ZNF282: variants seen among roughly 807,000 people sequenced by gnomAD.
ZNF282 encodes the protein HTLV-I U5 repressive element-binding protein 1.
A neutral mutation model predicts 61.9 loss-of-function variants in ZNF282; 30 were observed. The ratio of observed to expected loss-of-function variants is 0.48; its 90% CI spans 0.36 to 0.66. The LOEUF (loss-of-function observed/expected upper bound fraction) is 0.66. Among genes scored for constraint, ZNF282 ranks in the 30% least tolerant of loss-of-function variants. The pLI is 0.00. For synonymous variants in ZNF282, 396 were observed against 405.0 expected, an observed-to-expected ratio of 0.98 and a Z score of 0.27; for missense variants, 788 against 941.4, an observed-to-expected ratio of 0.84 and a Z score of 2.13.
intron 7 of ZNF282, among the ~76,000 whole-genome samples, chr7:149,221,679 T>C (rs543395717): frequency 3.5e-4 from 53 of 152,170 alleles, no homozygotes; most frequent in African/African-American, 1.3e-3. Flanking sequence ...GTGAAGAGAA[T>C]TCTTTTGGCC....
At chr7:149,210,320 C>T (rs2129523384) in intron 4 of ZNF282, among the ~76,000 whole-genome samples, 1 of 152,222 alleles carries the variant, frequency 6.6e-6, no homozygotes, top group South Asian at 2.1e-4. Flanking sequence ...TTGCTGCTTG[C>T]CTAGCCCTTT....
intron 1 of ZNF282, among the ~76,000 whole-genome samples, chr7:149,197,779 T>A (rs773950145): frequency 1.3e-5 from 2 of 152,192 alleles, no homozygotes; most frequent in Non-Finnish European, 2.9e-5. Context: ...AGGAATGTGT[T>A]TTTTGTTACC....
In ZNF282 at chr7:149,224,311, C is replaced by T; in HGVS notation, c.1680C>T (p.Gly560=). 2 of 1,613,592 alleles carry T rather than the reference C, an allele frequency of 1.2e-6. No homozygotes were observed. Among genetic ancestry groups the T allele is most frequent in the Non-Finnish European group, 8.5e-7 (1 of 1,179,912 alleles). Residue 560 remains glycine, a synonymous_variant, in exon 8 of 8, where the codon GGC becomes GGT. Coordinates refer to ENST00000610704, the MANE Select transcript of ZNF282 (RefSeq NM_003575.4). The part of the protein sequence containing the change: ...ECEKSFNCHS[G]LIRHQMTHRG... ...AGAAGAGCTTCAACTGCCACTCGGG[C>T]CTCATCCGCCACCAGATGACGCACC...
chr7:149,215,600 A>G (rs968020306), intron 7 of ZNF282, among the ~76,000 whole-genome samples: 1 of 152,124 alleles, frequency 6.6e-6, no homozygotes, highest in Non-Finnish European at 1.5e-5. Context: ...AGCGGATCAC[A>G]CTCTCTATAA....
chr7:149,200,715 C>T (rs1795895056), intron 2 of ZNF282, among the ~76,000 whole-genome samples: 1 of 152,128 alleles, frequency 6.6e-6, no homozygotes, highest in Non-Finnish European at 1.5e-5. Flanking sequence ...CCTGCCTCAG[C>T]TGCCCTAGTA....
intron 4 of ZNF282, among the ~76,000 whole-genome samples, chr7:149,209,963 G>C (rs1164153901): frequency 6.6e-6 from 1 of 152,170 alleles, no homozygotes; most frequent in East Asian, 1.9e-4. Flanking sequence ...AGAAGGAAAT[G>C]ATGTTATTTG....
chr7:149,218,576 GA>G (rs1461959659), intron 7 of ZNF282, among the ~76,000 whole-genome samples: 1 of 152,122 alleles, frequency 6.6e-6, no homozygotes, highest in Non-Finnish European at 1.5e-5. Context: ...AGAGCTTGGG[GA>G]TAGACTGATT....
intron 7 of ZNF282, among the ~76,000 whole-genome samples, chr7:149,220,450 C>T (rs1036734229): frequency 1.2e-4 from 18 of 152,108 alleles, no homozygotes; most frequent in African/African-American, 3.9e-4. Flanking sequence ...TCTTCTCTTA[C>T]GTAACTGGAA....
chr7:149,202,301 T>G (rs1404208847), intron 2 of ZNF282, among the ~76,000 whole-genome samples: 4 of 149,206 alleles, frequency 2.7e-5, no homozygotes, highest in Non-Finnish European at 4.5e-5. Flanking sequence ...TGTGCCACCA[T>G]GCCCGGCTAA....
intron 7 of ZNF282, among the ~76,000 whole-genome samples, chr7:149,216,089 G>A (rs1796157576): frequency 6.6e-6 from 1 of 152,094 alleles, no homozygotes; most frequent in Non-Finnish European, 1.5e-5. Context: ...TTTGCCTCAT[G>A]TTGTTTTATC....
At chr7:149,201,786 C>T (rs962219200) in intron 2 of ZNF282, among the ~76,000 whole-genome samples, 5 of 152,040 alleles carry the variant, frequency 3.3e-5, no homozygotes, top group African/African-American at 1.2e-4. Context: ...CAAATGGCTT[C>T]CCATCTGATT....
In ZNF282 at chr7:149,224,071, C is replaced by A. The variant is rs567367506; in HGVS notation, c.1440C>A (p.Gly480=). The change falls in exon 8 of 8, where the codon GGC becomes GGA. Residue 480 remains glycine (G), a synonymous_variant. Transcript: ENST00000610704. ...RSTGGGGGDG[G]GGGGGAEAGT... The stretch of plus-strand genomic sequence containing the variant: ...CCGGGGGCGGCGGGGGCGATGGGGG[C>A]GGTGGGGGCGGCGGCGCGGAGGCGG... The A allele has an allele frequency of 9.4e-6, 8 of 852,846 alleles. No individual in the cohort carries two copies. Among genetic ancestry groups the A allele is most frequent in the Non-Finnish European group, 1.2e-5 (8 of 650,870 alleles). 52.8% of individuals were successfully genotyped at this position (852,846 alleles called of 1,614,324 possible). A position where few individuals can be genotyped will look rare whatever the true frequency, so the allele number is the denominator to read the frequency against.
chr7:149,223,922 C>T lies in ZNF282; in HGVS notation c.1291C>T (p.Pro431Ser), dbSNP rs983121436. The T allele has an allele frequency of 1.5e-6, 2 of 1,342,220 alleles. No homozygotes were observed. Among genetic ancestry groups the T allele is most frequent in the Non-Finnish European group, 1.9e-6 (2 of 1,049,732 alleles). 83.1% of individuals were successfully genotyped at this position (1,342,220 alleles called of 1,614,324 possible). ...LQSQPQPQSL[P>S]PIAVAENPGG... is the part of the protein sequence containing the mutation. ...GTCGCAGCCCCAGCCCCAGAGCCTG[C>T]CCCCCATCGCGGTGGCCGAGAACCC... Residue 431 changes from proline to serine, a missense_variant, in exon 8 of 8, where the codon CCC (proline) becomes TCC (serine). Transcript: ENST00000610704.
intron 5 of ZNF282, among the ~76,000 whole-genome samples, chr7:149,211,436 C>T (rs775331568): frequency 6.1e-4 from 93 of 152,136 alleles, no homozygotes; most frequent in Non-Finnish European, 1.1e-3. Flanking sequence ...GGAGGCCAGT[C>T]TTTTCCCTTA....
chr7:149,207,316 C>A, intron 3 of ZNF282, 35 bp from the exon 4 acceptor site: 1 of 1,575,252 alleles, frequency 6.3e-7, no homozygotes, highest in South Asian at 1.2e-5. Flanking sequence ...TGGTCAACTT[C>A]ACTCAGCCTT....
chr7:149,222,729 C>T (rs1489369777), intron 7 of ZNF282, among the ~76,000 whole-genome samples: 1 of 152,186 alleles, frequency 6.6e-6, no homozygotes, highest in Non-Finnish European at 1.5e-5. Flanking sequence ...CTCACTGCAA[C>T]CTCCGCCTCC....
chr7:149,205,512 T>C (rs1402250027), intron 2 of ZNF282, among the ~76,000 whole-genome samples: 1 of 152,220 alleles, frequency 6.6e-6, no homozygotes, highest in African/African-American at 2.4e-5. Flanking sequence ...GGGCTTTTCC[T>C]GCATCTGGTG....
At chr7:149,202,985 C>T (rs1215804714) in intron 2 of ZNF282, among the ~76,000 whole-genome samples, 1 of 152,142 alleles carries the variant, frequency 6.6e-6, no homozygotes, top group South Asian at 2.1e-4. Context: ...GGCAACCACC[C>T]CAATGACTTT....
intron 5 of ZNF282, 50 bp downstream of exon 5, chr7:149,210,754 A>G (rs761512399): frequency 1.2e-4 from 173 of 1,492,602 alleles, no homozygotes; most frequent in Non-Finnish European, 1.5e-4. Flanking sequence ...GGGAGGGGAG[A>G]GGGTTAGCAT....
Sources: gnomAD v4.1 joint callset for allele counts (sites outside exome capture counted in the v4.1 genomes callset) on GRCh38, gnomAD v4.1.1 for gene constraint, MANE v1.5 for transcripts, NCBI Gene and HGNC (gene_info 2026-07-23, HGNC 2026-07-21) for gene names.